The following CSMD1 variants were observed in gnomAD, a reference collection of about 807,000 sequenced individuals.
CSMD1 encodes CUB and sushi domain-containing protein 1.
In CSMD1, 213 loss-of-function variants were observed where a neutral mutation model predicts 417.5. The observed-to-expected ratio is 0.51, with a 90% CI of 0.46 to 0.57. The LOEUF is 0.57. Ranked by LOEUF, CSMD1 falls within the 20% of genes least tolerant of loss-of-function variation. CSMD1 has a pLI of 0.00. For synonymous variants in CSMD1, 2,862 were observed against 1,736.8 expected, an observed-to-expected ratio of 1.65 and a Z score of -16.11; for missense variants, 6,923 against 4,529.7, an observed-to-expected ratio of 1.53 and a Z score of -15.17.
At chr8:3,096,803 T>A (rs1271694786) in intron 47 of CSMD1, 46 bp downstream of exon 47, 2 of 1,189,622 alleles carry the variant, frequency 1.7e-6, no homozygotes, top group Non-Finnish European at 1.2e-6. Flanking sequence ...AGTGTTTTTA[T>A]CAATGATGCC....
intron 10 of CSMD1, among the ~76,000 whole-genome samples, chr8:3,540,181 T>TG (rs1798378805): frequency 6.6e-6 from 1 of 152,248 alleles, no homozygotes; most frequent in South Asian, 2.1e-4. Context: ...AGTTTAGTCT[T>TG]GAAAAAAAAC....
chr8:4,887,864 C>G (rs1191019931), intron 1 of CSMD1, among the ~76,000 whole-genome samples: 2 of 151,942 alleles, frequency 1.3e-5, no homozygotes, highest in Admixed American at 1.3e-4. Context: ...TTTTGCATGA[C>G]TGATATTTGC....
intron 3 of CSMD1, among the ~76,000 whole-genome samples, chr8:4,384,149 C>T (rs924968372): frequency 6.6e-6 from 1 of 152,152 alleles, no homozygotes; most frequent in African/African-American, 2.4e-5. Context: ...AGCCTCCTCC[C>T]TTGGGAATGC....
At chr8:4,737,286 A>G (rs758445778) in intron 1 of CSMD1, among the ~76,000 whole-genome samples, 2 of 152,088 alleles carry the variant, frequency 1.3e-5, no homozygotes, top group African/African-American at 2.4e-5. Flanking sequence ...GCTAACTGAT[A>G]AGAACACATG....
At chr8:4,982,032 G>T (rs536060431) in intron 1 of CSMD1, among the ~76,000 whole-genome samples, 2 of 152,080 alleles carry the variant, frequency 1.3e-5, no homozygotes, top group African/African-American at 4.8e-5. Context: ...TCCTACAACT[G>T]CAAGGAACTG....
intron 1 of CSMD1, among the ~76,000 whole-genome samples, chr8:4,726,166 C>G (rs927761153): frequency 6.6e-6 from 1 of 152,054 alleles, no homozygotes; most frequent in Non-Finnish European, 1.5e-5. Context: ...GAATACAAAA[C>G]CTACAGTTGG....
chr8:4,148,598 G>C (rs1306899481), intron 3 of CSMD1, among the ~76,000 whole-genome samples: 1 of 152,136 alleles, frequency 6.6e-6, no homozygotes. Context: ...GTCTGGTCTG[G>C]TGAGAGCCTT....
chr8:4,274,344 TAC>T (rs1272462193), intron 3 of CSMD1, among the ~76,000 whole-genome samples: 1 of 152,180 alleles, frequency 6.6e-6, no homozygotes, highest in Admixed American at 6.6e-5. Context: ...TGACTTTTTT[TAC>T]GTTTCACTTT....
chr8:4,059,033 C>G (rs1270615645), intron 3 of CSMD1, among the ~76,000 whole-genome samples: 1 of 151,968 alleles, frequency 6.6e-6, no homozygotes, highest in Admixed American at 6.6e-5. Context: ...ATTGACCATA[C>G]AGTTGGAAGT....
chr8:4,981,385 C>T (rs1316053166), intron 1 of CSMD1, among the ~76,000 whole-genome samples: 1 of 152,030 alleles, frequency 6.6e-6, no homozygotes, highest in Non-Finnish European at 1.5e-5. Flanking sequence ...CTGATAGGAC[C>T]GAATTATCCC....
Position 4,871,538 on chromosome 8 carries a change from T to C in CSMD1, c.85+122794A>G, listed in dbSNP as rs990517438. Among the ~76,000 whole-genome samples, 21 of 152,224 alleles carry C rather than the reference T, an allele frequency of 1.4e-4. No homozygotes were observed. The East Asian group carries it at 3.9e-3, about 28-fold the overall frequency. On this transcript the variant is annotated intron_variant, in intron 1 of 69. Transcript: ENST00000635120. Reference sequence around the variant, plus strand: ...ATGGTCTCACCAAGCACCCAACATATTAGTGTTTTGTTTTTATGTTTTGCT... The same window carrying C: ...ATGGTCTCACCAAGCACCCAACATACTAGTGTTTTGTTTTTATGTTTTGCT...
intron 3 of CSMD1, among the ~76,000 whole-genome samples, chr8:4,117,860 G>C (rs980064075): frequency 4.6e-5 from 7 of 151,664 alleles, no homozygotes; most frequent in Non-Finnish European, 1.0e-4. Context: ...CAGAGACTCA[G>C]GGCATGTCAA....
chr8:3,858,379 A>G (rs17067771), intron 5 of CSMD1, among the ~76,000 whole-genome samples: 12,109 of 152,240 alleles, frequency 0.08, 562 homozygotes, highest in South Asian at 0.15. Flanking sequence ...TTTTATAACA[A>G]TGATTTAAAA....
rs59812625 is a variant in CSMD1, at chr8:4,787,663, A to G, written c.86-150105T>C. ...TCAAAAGAAATCCTGGTGTCAAGGA[A>G]GGATATAAGTTTACCCACCTAAAGT... On this transcript the variant is annotated intron_variant, in intron 1 of 69. Transcript: ENST00000635120. 10,772 of 1,587,086 alleles carry G rather than the reference A, an allele frequency of 6.8e-3. 525 individuals carry two copies. In the Admixed American group the frequency reaches 0.1, roughly 15 times the overall value.
chr8:4,831,195 G>C (rs1800130398), intron 1 of CSMD1, among the ~76,000 whole-genome samples: 1 of 152,100 alleles, frequency 6.6e-6, no homozygotes, highest in African/African-American at 2.4e-5. Context: ...TGCAACTATT[G>C]GCAGATGTCC....
intron 48 of CSMD1, 75 bp downstream of exon 48, chr8:3,091,441 T>C (rs1814935948): frequency 2.7e-6 from 3 of 1,111,544 alleles, no homozygotes; most frequent in South Asian, 3.6e-5. Context: ...TAAATTTCTA[T>C]TTAAATTGTT....
intron 3 of CSMD1, among the ~76,000 whole-genome samples, chr8:4,037,134 T>C (rs1194319963): frequency 1.3e-5 from 2 of 152,258 alleles, no homozygotes; most frequent in African/African-American, 2.4e-5. Context: ...TTAATCTTTC[T>C]TAAGTGAATG....
intron 37 of CSMD1, among the ~76,000 whole-genome samples, chr8:3,170,046 G>A (rs1820479647): frequency 6.6e-6 from 1 of 152,210 alleles, no homozygotes; most frequent in African/African-American, 2.4e-5. Flanking sequence ...ACAAGTGCAG[G>A]AGTCGCGTTA....
intron 12 of CSMD1, among the ~76,000 whole-genome samples, chr8:3,417,482 C>T (rs1159751212): frequency 6.6e-6 from 1 of 152,152 alleles, no homozygotes; most frequent in African/African-American, 2.4e-5. Context: ...TGCCTTTTTT[C>T]TCATGTGCTA....
Sources: allele counts gnomAD v4.1 joint callset (sites outside exome capture counted in the v4.1 genomes callset), GRCh38; gene constraint gnomAD v4.1.1; transcripts MANE v1.5; gene names NCBI Gene and HGNC (gene_info 2026-07-23, HGNC 2026-07-21).